CSNK2A2IP: variants seen among roughly 807,000 people sequenced by gnomAD.
CSNK2A2IP encodes the protein casein kinase 2 subunit alpha' interacting protein.
the CSNK2A2IP span, among the ~76,000 whole-genome samples, chr3:88,457,695 C>CAAAATAAAATAAAAT: frequency 0.077 from 8,467 of 110,172 alleles, 536 homozygotes; most frequent in African/African-American, 0.13. Flanking sequence ...GACTCAGTCT[C>CAAAATAAAATAAAAT]AAAATAAAAT....
the CSNK2A2IP span, chr3:88,343,017 C>G: frequency 1.1e-4 from 17 of 151,924 alleles, no homozygotes; most frequent in Admixed American, 4.6e-4. Context: ...GAGACATAAT[C>G]CAGGACAGCA....
At chr3:88,463,577 A>G in the CSNK2A2IP span, among the ~76,000 whole-genome samples, 1 of 152,164 alleles carries the variant, frequency 6.6e-6, no homozygotes, top group Non-Finnish European at 1.5e-5. Flanking sequence ...GCCATCAGAG[A>G]AATGCAAATC....
chr3:88,390,039 A>C, the CSNK2A2IP span, among the ~76,000 whole-genome samples: 1 of 152,180 alleles, frequency 6.6e-6, no homozygotes, highest in Non-Finnish European at 1.5e-5. Context: ...AGAATCAGAG[A>C]ATAGGCTTAG....
chr3:88,448,226 A>C, the CSNK2A2IP span, among the ~76,000 whole-genome samples: 2 of 152,184 alleles, frequency 1.3e-5, no homozygotes, highest in Admixed American at 1.3e-4. Flanking sequence ...GAGATCCTGG[A>C]TCCTACACCT....
chr3:88,430,713 G>T, the CSNK2A2IP span, among the ~76,000 whole-genome samples: 2 of 152,014 alleles, frequency 1.3e-5, no homozygotes, highest in African/African-American at 4.8e-5. Flanking sequence ...TTTTAGAAGA[G>T]TCAATCTAAT....
the CSNK2A2IP span, among the ~76,000 whole-genome samples, chr3:88,389,158 T>C: frequency 6.6e-6 from 1 of 151,724 alleles, no homozygotes; most frequent in African/African-American, 2.4e-5. Context: ...AATAGGAAAA[T>C]TAGGAGTAAT....
At chr3:88,467,261 ACTC>A in the CSNK2A2IP span, 7 of 397,564 alleles carry the variant, frequency 1.8e-5, no homozygotes, top group African/African-American at 1.5e-4. Context: ...GCCTCTTCTG[ACTC>A]CTCTTCTTCA....
chr3:88,458,963 A>T, the CSNK2A2IP span, among the ~76,000 whole-genome samples: 2 of 152,190 alleles, frequency 1.3e-5, no homozygotes, highest in African/African-American at 4.8e-5. Context: ...GGAGTTGAAT[A>T]TTCTATGAAT....
the CSNK2A2IP span, among the ~76,000 whole-genome samples, chr3:88,456,774 G>C: frequency 8.7e-5 from 13 of 150,240 alleles, no homozygotes; most frequent in Non-Finnish European, 1.5e-4. Context: ...TTTAATACAT[G>C]TGTCTTTTTC....
the CSNK2A2IP span, among the ~76,000 whole-genome samples, chr3:88,388,021 C>T: frequency 1.8e-4 from 27 of 152,302 alleles, no homozygotes; most frequent in African/African-American, 6.5e-4. Context: ...TATAATCCTC[C>T]TTTCCCATAG....
At chr3:88,421,242 C>T in the CSNK2A2IP span, among the ~76,000 whole-genome samples, 1 of 151,968 alleles carries the variant, frequency 6.6e-6, no homozygotes, top group Non-Finnish European at 1.5e-5. Context: ...TTTATTATGT[C>T]CATGTCTTGG....
the CSNK2A2IP span, among the ~76,000 whole-genome samples, chr3:88,382,248 C>T: frequency 3.9e-5 from 6 of 152,116 alleles, no homozygotes; most frequent in Non-Finnish European, 8.8e-5. Context: ...GAAAGTGATC[C>T]TTGGTACAAT....
the CSNK2A2IP span, among the ~76,000 whole-genome samples, chr3:88,457,331 T>G: frequency 7.9e-5 from 12 of 152,136 alleles, no homozygotes; most frequent in Non-Finnish European, 8.8e-5. Context: ...TATTGTTGGA[T>G]TTGACTGGCT....
the CSNK2A2IP span, among the ~76,000 whole-genome samples, chr3:88,443,253 C>T: frequency 6.6e-6 from 1 of 152,114 alleles, no homozygotes; most frequent in African/African-American, 2.4e-5. Context: ...TTGTGTTTGG[C>T]ACTGCTGCTC....
the CSNK2A2IP span, among the ~76,000 whole-genome samples, chr3:88,438,763 G>A: frequency 2.6e-5 from 4 of 152,138 alleles, no homozygotes; most frequent in Admixed American, 2.6e-4. Context: ...TCATTCTGAA[G>A]GATCCTGTGT....
chr3:88,425,348 C>T, the CSNK2A2IP span, among the ~76,000 whole-genome samples: 14 of 152,128 alleles, frequency 9.2e-5, no homozygotes, highest in South Asian at 2.1e-4. Context: ...AAAAGCAAAC[C>T]AAATTGTATT....
chr3:88,410,520 C>T, the CSNK2A2IP span, among the ~76,000 whole-genome samples: 4 of 152,112 alleles, frequency 2.6e-5, no homozygotes, highest in East Asian at 3.9e-4. Flanking sequence ...TTGTGGTCAT[C>T]TGATTGACAA....
At chr3:88,456,657 CT>C in the CSNK2A2IP span, among the ~76,000 whole-genome samples, 224 of 140,000 alleles carry the variant, frequency 1.6e-3, no homozygotes, top group Admixed American at 4.3e-3. Flanking sequence ...TCTTCCTTTC[CT>C]TTTTTTTTTT....
the CSNK2A2IP span, among the ~76,000 whole-genome samples, chr3:88,365,046 T>C: frequency 1.3e-5 from 2 of 152,136 alleles, no homozygotes; most frequent in Middle Eastern, 3.2e-3. Flanking sequence ...CTTGCCCAAG[T>C]TTACACAGCT....
Sources: gnomAD v4.1 joint callset for allele counts (sites outside exome capture counted in the v4.1 genomes callset) on GRCh38, gnomAD v4.1.1 for gene constraint, MANE v1.5 for transcripts, NCBI Gene and HGNC (gene_info 2026-07-23, HGNC 2026-07-21) for gene names.